The following DAB1 variants were observed in gnomAD, a reference collection of about 807,000 sequenced individuals.
DAB1 encodes the protein DAB adaptor protein 1.
In DAB1, 15 loss-of-function variants were observed where a neutral mutation model predicts 64.6. That is an observed-to-expected ratio of 0.23 (90% confidence interval 0.16 to 0.36). The LOEUF (loss-of-function observed/expected upper bound fraction) is 0.36, where lower values mean the gene tolerates loss of function less well. Ranked by LOEUF, DAB1 falls within the 10% of genes least tolerant of loss-of-function variation. The probability of loss-of-function intolerance (pLI) is 1.00; values close to 1 mark genes in which losing one functional copy is unlikely to be tolerated. For missense variants in DAB1, 596 were observed against 706.7 expected (o/e 0.84, Z 1.78); for synonymous variants, 235 against 251.9 (o/e 0.93, Z 0.64).
At chr1:58,255,761 T>C (rs1660915373) in intron 4 of DAB1, among the ~76,000 whole-genome samples, 2 of 152,174 alleles carry the variant, frequency 1.3e-5, no homozygotes, top group Admixed American at 1.3e-4. Flanking sequence ...GAAGGAGTAC[T>C]GGGGAGACAA....
At chr1:57,771,882 A>G (rs1649578203) in intron 6 of DAB1, among the ~76,000 whole-genome samples, 1 of 152,096 alleles carries the variant, frequency 6.6e-6, no homozygotes, top group Non-Finnish European at 1.5e-5. Flanking sequence ...GGCTTCTTGC[A>G]CTCACCATAG....
intron 4 of DAB1, chr1:58,228,859 G>T: frequency 6.7e-6 from 4 of 595,818 alleles, no homozygotes; most frequent in Non-Finnish European, 1.3e-5. Context: ...CTCAGCACCA[G>T]CAGGACAGAG....
intron 3 of DAB1, among the ~76,000 whole-genome samples, chr1:58,437,760 C>T (rs1644961671): frequency 1.3e-5 from 2 of 152,208 alleles, no homozygotes; most frequent in South Asian, 4.1e-4. Flanking sequence ...CTGCCGCACC[C>T]TAACACATCC....
rs140305054 is a variant in DAB1, at chr1:57,327,274, A to G, written c.-136-36108T>C. ...GAGCCCTCTTTACGTGAAACACCAC[A>G]TGAGACTACAGGCCCAGGATCCCAC... On this transcript the variant is annotated intron_variant, in intron 1 of 14. Coordinates refer to ENST00000371236, the MANE Select transcript of DAB1 (RefSeq NM_001365792.1). Among the ~76,000 whole-genome samples the G allele has an allele frequency of 3.5e-3, 526 of 152,200 alleles. 5 individuals are homozygous for G. The highest frequency in any genetic ancestry group is 9.5e-3 in the African/African-American group (394 of 41,532).
At chr1:57,290,873 T>G in intron 2 of DAB1, 91 bp downstream of exon 2, 3 of 714,036 alleles carry the variant, frequency 4.2e-6, no homozygotes, top group Middle Eastern at 2.5e-4. Flanking sequence ...TATGCAATCA[T>G]AAAGATATTT....
intron 6 of DAB1, among the ~76,000 whole-genome samples, chr1:57,737,267 C>T (rs1647737534): frequency 6.6e-6 from 1 of 152,172 alleles, no homozygotes; most frequent in South Asian, 2.1e-4. Flanking sequence ...GCACTTAACT[C>T]CGTGGCATAG....
chr1:57,848,570 T>A (rs76725367), intron 1 of DAB1, among the ~76,000 whole-genome samples: 5,830 of 152,250 alleles, frequency 0.038, 402 homozygotes, highest in African/African-American at 0.13. Context: ...CAGGGATGGT[T>A]GTGTTAAGAA....
chr1:58,152,063 G>A (rs1654971928), intron 4 of DAB1, among the ~76,000 whole-genome samples: 1 of 152,116 alleles, frequency 6.6e-6, no homozygotes, highest in East Asian at 1.9e-4. Flanking sequence ...ATATTAAAGG[G>A]TCTTGAGGTG....
intron 6 of DAB1, among the ~76,000 whole-genome samples, chr1:57,794,532 C>A (rs1650751228): frequency 6.6e-6 from 1 of 152,154 alleles, no homozygotes. Flanking sequence ...CCTTGGCACT[C>A]CCTCTTCTCT....
intron 2 of DAB1, among the ~76,000 whole-genome samples, chr1:57,205,149 G>T (rs890367802): frequency 6.6e-6 from 1 of 152,164 alleles, no homozygotes; most frequent in Admixed American, 6.5e-5. Context: ...GCATAAAGGG[G>T]AGGCCCATCT....
intron 1 of DAB1, among the ~76,000 whole-genome samples, chr1:57,402,082 CAG>C (rs1683287823): frequency 6.6e-6 from 1 of 152,016 alleles, no homozygotes; most frequent in Admixed American, 6.6e-5. Flanking sequence ...AAAAGAGAGA[CAG>C]AGATAAAGAA....
At chr1:57,290,892 C>A in intron 2 of DAB1, 72 bp downstream of exon 2, 2 of 868,246 alleles carry the variant, frequency 2.3e-6, no homozygotes, top group Non-Finnish European at 1.9e-6. Context: ...TTCTTTATAT[C>A]ATTCCAGAGA....
Position 58,223,425 on chromosome 1 carries a change from G to A in DAB1, n.310-72837C>T, listed in dbSNP as rs144454086. 5.6e-3 allele frequency among the ~76,000 whole-genome samples: 859 copies of A among 152,322 alleles called. 10 individuals are homozygous for A. The highest frequency in any genetic ancestry group is 0.019 in the African/African-American group (802 of 41,572). ...ATCACAGTGCCTAGGTGAGACAAGAGCTAGCTAGGCTAAGCAACAAATTCT... is the reference window on the plus strand; with the variant it reads ...ATCACAGTGCCTAGGTGAGACAAGAACTAGCTAGGCTAAGCAACAAATTCT... On this transcript the variant is annotated intron_variant and non_coding_transcript_variant, in intron 4 of 20. Transcript: ENST00000485760.
At chr1:57,664,263 T>C (rs1297781211) in intron 6 of DAB1, among the ~76,000 whole-genome samples, 2 of 152,198 alleles carry the variant, frequency 1.3e-5, no homozygotes, top group African/African-American at 4.8e-5. Context: ...CAACTTGATG[T>C]AGACAAAGCA....
intron 7 of DAB1, among the ~76,000 whole-genome samples, chr1:57,546,465 C>A (rs1644857785): frequency 6.6e-6 from 1 of 152,176 alleles, no homozygotes; most frequent in African/African-American, 2.4e-5. Flanking sequence ...CCCAGCTCAA[C>A]CACTTGCTAA....
intron 7 of DAB1, among the ~76,000 whole-genome samples, chr1:57,542,086 G>T (rs1278488870): frequency 6.6e-6 from 1 of 152,128 alleles, no homozygotes; most frequent in Non-Finnish European, 1.5e-5. Context: ...AAGAAGGTAG[G>T]ATCACTTGCC....
chr1:58,048,815 C>G, intron 5 of DAB1: 1 of 1,076,614 alleles, frequency 9.3e-7, no homozygotes, highest in Non-Finnish European at 1.4e-6. Flanking sequence ...ACAGTCTTAT[C>G]CACGGAATCA....
chr1:57,677,492 T>G (rs918398213), intron 6 of DAB1, among the ~76,000 whole-genome samples: 1 of 152,150 alleles, frequency 6.6e-6, no homozygotes, highest in East Asian at 1.9e-4. Flanking sequence ...TGCTCTTTCC[T>G]CCCTATATTT....
chr1:57,221,339 A>G (rs778401589), intron 2 of DAB1, among the ~76,000 whole-genome samples: 1 of 152,062 alleles, frequency 6.6e-6, no homozygotes, highest in Non-Finnish European at 1.5e-5. Flanking sequence ...TGGCACATGT[A>G]TACATATGTA....
Sources: allele counts gnomAD v4.1 joint callset (sites outside exome capture counted in the v4.1 genomes callset), GRCh38; gene constraint gnomAD v4.1.1; transcripts MANE v1.5; gene names NCBI Gene and HGNC (gene_info 2026-07-23, HGNC 2026-07-21).